Variants in NKAIN2 observed in about 807,000 individuals in gnomAD.
The protein encoded by NKAIN2 is sodium/potassium transporting ATPase interacting 2.
In NKAIN2, 14 loss-of-function variants were observed where a neutral mutation model predicts 32.6. The observed-to-expected ratio is 0.43, with a 90% confidence interval of 0.28 to 0.67. The LOEUF is 0.67. Among genes scored for constraint, NKAIN2 ranks in the 30% least tolerant of loss-of-function variants. NKAIN2 has a pLI of 0.17. For synonymous variants in NKAIN2, 80 were observed against 87.2 expected (o/e 0.92, Z 0.46); for missense variants, 198 against 258.3 (o/e 0.77, Z 1.60).
At chr6:123,839,126 G>A (rs867175843) in intron 1 of NKAIN2, among the ~76,000 whole-genome samples, 1 of 151,708 alleles carries the variant, frequency 6.6e-6, no homozygotes, top group East Asian at 1.9e-4. Context: ...TGTTTGGTTA[G>A]CACAGAAGGC....
chr6:124,241,728 G>A (rs1793107396), intron 1 of NKAIN2, among the ~76,000 whole-genome samples: 1 of 152,084 alleles, frequency 6.6e-6, no homozygotes, highest in South Asian at 2.1e-4. Context: ...TCCTATAATT[G>A]AGAAAAGCTT....
At chr6:124,631,031 C>T (rs1057140269) in intron 3 of NKAIN2, among the ~76,000 whole-genome samples, 1 of 152,208 alleles carries the variant, frequency 6.6e-6, no homozygotes, top group East Asian at 1.9e-4. Context: ...GCTTAAATTG[C>T]TTGAATTTTT....
intron 1 of NKAIN2, among the ~76,000 whole-genome samples, chr6:124,043,521 T>G (rs1781972539): frequency 6.6e-6 from 1 of 152,140 alleles, no homozygotes; most frequent in South Asian, 2.1e-4. Context: ...CAAATCAAAC[T>G]TTGCATATAA....
chr6:124,474,841 T>C (rs1281427703), intron 3 of NKAIN2, among the ~76,000 whole-genome samples: 2 of 147,932 alleles, frequency 1.4e-5, no homozygotes, highest in Admixed American at 1.4e-4. Flanking sequence ...TACATACATA[T>C]ATAATATATA....
intron 3 of NKAIN2, among the ~76,000 whole-genome samples, chr6:124,611,268 G>A (rs1283494892): frequency 6.6e-6 from 1 of 152,128 alleles, no homozygotes; most frequent in Non-Finnish European, 1.5e-5. Flanking sequence ...AATTAAAGGT[G>A]TGGGAATTAT....
chr6:124,464,198 G>T (rs1776649021), intron 3 of NKAIN2, among the ~76,000 whole-genome samples: 1 of 152,080 alleles, frequency 6.6e-6, no homozygotes, highest in Non-Finnish European at 1.5e-5. Context: ...ACATTGGCCA[G>T]AGTGGTCTTG....
At chr6:124,106,693 A>C (rs1002795757) in intron 1 of NKAIN2, among the ~76,000 whole-genome samples, 3 of 152,188 alleles carry the variant, frequency 2.0e-5, no homozygotes, top group African/African-American at 7.2e-5. Flanking sequence ...GTCTACCTCA[A>C]CAATTTAATA....
chr6:124,625,700 C>CT (rs1783296717), intron 3 of NKAIN2, among the ~76,000 whole-genome samples: 2 of 122,746 alleles, frequency 1.6e-5, no homozygotes, highest in African/African-American at 5.3e-5. Flanking sequence ...GCTGAAGATG[C>CT]TTTATTTATT....
At chr6:123,863,807 G>C (rs988640244) in intron 1 of NKAIN2, among the ~76,000 whole-genome samples, 17 of 152,044 alleles carry the variant, frequency 1.1e-4, no homozygotes, top group Non-Finnish European at 1.5e-4. Flanking sequence ...TTCCTCTCCT[G>C]TCCACTTTGA....
intron 4 of NKAIN2, among the ~76,000 whole-genome samples, chr6:124,693,241 A>T (rs1682145878): frequency 6.6e-6 from 1 of 152,170 alleles, no homozygotes; most frequent in African/African-American, 2.4e-5. Flanking sequence ...CTAGGTTTAG[A>T]CATGTTTAGA....
rs189203733 is a variant in NKAIN2 at position 124,478,524 on chromosome 6, A to G, written c.273+123177A>G. Among the ~76,000 whole-genome samples the G allele has an allele frequency of 2.3e-4, 35 of 152,338 alleles. No homozygotes were observed. In the East Asian group the frequency reaches 6.2e-3, roughly 27 times the overall value. On this transcript the variant is annotated intron_variant, in intron 3 of 6. Transcript: ENST00000368417. The stretch of plus-strand genomic sequence containing the variant: ...CACACACACGTGCATGTGCACACAC[A>G]CACAGGAAGATGGGGGTATGTCAAA...
chr6:124,293,177 T>A (rs753794070), intron 2 of NKAIN2, among the ~76,000 whole-genome samples: 1 of 152,146 alleles, frequency 6.6e-6, no homozygotes, highest in Admixed American at 6.6e-5. Context: ...TAGCTAATAA[T>A]ATTTTATTAC....
At chr6:124,549,092 C>T (rs1438171939) in intron 3 of NKAIN2, among the ~76,000 whole-genome samples, 3 of 152,092 alleles carry the variant, frequency 2.0e-5, no homozygotes, top group Non-Finnish European at 4.4e-5. Flanking sequence ...TAAGGCCAGG[C>T]GCGATGGCTC....
chr6:124,167,465 C>T (rs898918912), intron 1 of NKAIN2, among the ~76,000 whole-genome samples: 3 of 152,138 alleles, frequency 2.0e-5, no homozygotes, highest in African/African-American at 7.2e-5. Flanking sequence ...CATCTGCAAA[C>T]AGGGACAATT....
At chr6:123,965,694 A>G (rs989919597) in intron 1 of NKAIN2, among the ~76,000 whole-genome samples, 5 of 152,154 alleles carry the variant, frequency 3.3e-5, no homozygotes, top group African/African-American at 1.2e-4. Context: ...CCTTATCCCT[A>G]TCAGAATACT....
At chr6:124,282,134 C>T in intron 1 of NKAIN2, 1 of 254,626 alleles carries the variant, frequency 3.9e-6, no homozygotes, top group Non-Finnish European at 7.8e-6. Context: ...TCCGGACTAC[C>T]CACTAATCTC....
At chr6:123,991,425 G>A (rs1779404489) in intron 1 of NKAIN2, among the ~76,000 whole-genome samples, 2 of 151,964 alleles carry the variant, frequency 1.3e-5, no homozygotes, top group African/African-American at 4.8e-5. Context: ...AGGAAAAAAA[G>A]TTTGGAAGGA....
chr6:124,117,118 G>A (rs1785653034), intron 1 of NKAIN2, among the ~76,000 whole-genome samples: 1 of 151,804 alleles, frequency 6.6e-6, no homozygotes, highest in Non-Finnish European at 1.5e-5. Flanking sequence ...AAGGTGGGAT[G>A]AATCAATTTC....
At chr6:124,705,456 T>G (rs115891537) in intron 4 of NKAIN2, among the ~76,000 whole-genome samples, 1 of 152,092 alleles carries the variant, frequency 6.6e-6, no homozygotes, top group Non-Finnish European at 1.5e-5. Context: ...GATGTGGGGA[T>G]AGTGAACATT....
Sources: gnomAD v4.1 joint callset for allele counts (sites outside exome capture counted in the v4.1 genomes callset) on GRCh38, gnomAD v4.1.1 for gene constraint, MANE v1.5 for transcripts, NCBI Gene and HGNC (gene_info 2026-07-23, HGNC 2026-07-21) for gene names.